Variants in USP12 observed in about 807,000 individuals in gnomAD.
USP12 encodes ubiquitin specific peptidase 12.
In USP12, 19 loss-of-function variants were observed where a neutral mutation model predicts 45.5. The ratio of observed to expected loss-of-function variants is 0.42; its 90% CI spans 0.29 to 0.61. The LOEUF is 0.61. USP12 is among the 20% of genes least tolerant of loss of function. The pLI, the probability that USP12 is intolerant of heterozygous loss-of-function variation, is 0.22. For synonymous variants in USP12, 149 were observed against 148.8 expected, an observed-to-expected ratio of 1.00 and a Z score of -0.01; for missense variants, 242 against 447.7, an observed-to-expected ratio of 0.54 and a Z score of 4.15.
chr13:27,136,363 T>A (rs1283982446), intron 1 of USP12, among the ~76,000 whole-genome samples: 1 of 152,140 alleles, frequency 6.6e-6, no homozygotes. Flanking sequence ...CCGGGCATGG[T>A]GGCGCATGCC....
At chr13:27,128,829 C>G (rs1876360873) in intron 1 of USP12, among the ~76,000 whole-genome samples, 1 of 152,196 alleles carries the variant, frequency 6.6e-6, no homozygotes, top group East Asian at 1.9e-4. Context: ...ATGAACGCTT[C>G]TATTTTTCCC....
At chr13:27,084,896 T>C (rs1873941231) in intron 6 of USP12, among the ~76,000 whole-genome samples, 1 of 152,218 alleles carries the variant, frequency 6.6e-6, no homozygotes, top group African/African-American at 2.4e-5. Flanking sequence ...TGTGGATTTT[T>C]GGATGTTTTT....
intron 3 of USP12, 43 bp from the exon 4 acceptor site, chr13:27,095,873 A>G (rs1030490462): frequency 1.1e-5 from 16 of 1,445,608 alleles, no homozygotes; most frequent in Admixed American, 2.5e-5. Flanking sequence ...TTCAGAATTC[A>G]TAACTTCATA....
intron 4 of USP12, among the ~76,000 whole-genome samples, chr13:27,094,013 T>C (rs1166292188): frequency 1.3e-5 from 2 of 152,158 alleles, no homozygotes; most frequent in Admixed American, 1.3e-4. Context: ...CTTAGCTTTC[T>C]TGCTTGTGGA....
intron 1 of USP12, among the ~76,000 whole-genome samples, chr13:27,123,561 G>A (rs887165287): frequency 3.3e-5 from 5 of 152,160 alleles, no homozygotes; most frequent in African/African-American, 7.2e-5. Context: ...CCCACGTGTC[G>A]TGGCAGAGAC....
intron 3 of USP12, among the ~76,000 whole-genome samples, chr13:27,104,926 C>A (rs9579070): frequency 1.3e-5 from 2 of 152,208 alleles, no homozygotes; most frequent in East Asian, 3.8e-4. Flanking sequence ...TAAACAAAAG[C>A]CAGAATTCTA....
intron 6 of USP12, among the ~76,000 whole-genome samples, chr13:27,086,182 A>AT (rs1359709239): frequency 0.034 from 1,379 of 40,602 alleles, 32 homozygotes; most frequent in Non-Finnish European, 0.049. Context: ...TTTAAAAAAA[A>AT]AAAAAAAAAA....
At chr13:27,143,362 A>C (rs1347445846) in intron 1 of USP12, among the ~76,000 whole-genome samples, 1 of 152,208 alleles carries the variant, frequency 6.6e-6, no homozygotes, top group East Asian at 1.9e-4. Flanking sequence ...TAAAGACTTC[A>C]TTATCTACTT....
intron 1 of USP12, among the ~76,000 whole-genome samples, chr13:27,133,420 T>C (rs1324053182): frequency 6.6e-6 from 1 of 152,034 alleles, no homozygotes; most frequent in Non-Finnish European, 1.5e-5. Flanking sequence ...CTAGTAAACA[T>C]CTACAATACC....
At chr13:27,156,439 G>C (rs537833512) in intron 1 of USP12, among the ~76,000 whole-genome samples, 1 of 152,124 alleles carries the variant, frequency 6.6e-6, no homozygotes, top group Non-Finnish European at 1.5e-5. Context: ...GTGACGAAAC[G>C]CAACGATGAT....
chr13:27,131,265 G>A (rs1184653381), intron 1 of USP12, among the ~76,000 whole-genome samples: 1 of 152,178 alleles, frequency 6.6e-6, no homozygotes, highest in African/African-American at 2.4e-5. Flanking sequence ...AACCCTCCTG[G>A]TGAGAGGGTG....
In USP12 at chr13:27,129,410, A is replaced by G. The variant is rs1334497708; in HGVS notation, c.49-12814T>C. On this transcript the variant is annotated intron_variant, in intron 1 of 8. Transcript: ENST00000282344. This position sits in a 1 kb window ranked among gnomAD's most constrained non-coding sequence, Gnocchi z 4.0. ...AGTAACCACACCATCAACAGCTCATAAAATGACAGTGTCACTCTAAAGCTA... is the reference window on the plus strand; with the variant it reads ...AGTAACCACACCATCAACAGCTCATGAAATGACAGTGTCACTCTAAAGCTA... 6.6e-6 allele frequency among the ~76,000 whole-genome samples: 1 copy of G among 152,238 alleles called. No individual in the cohort carries two copies. Among genetic ancestry groups the G allele is most frequent in the Non-Finnish European group, 1.5e-5 (1 of 68,044 alleles).
At chr13:27,101,694 TCTC>T (rs1222755994) in intron 3 of USP12, among the ~76,000 whole-genome samples, 1 of 152,160 alleles carries the variant, frequency 6.6e-6, no homozygotes, top group Non-Finnish European at 1.5e-5. Flanking sequence ...TAGGTTATGT[TCTC>T]CTCATAATTC....
At chr13:27,138,305 T>A (rs2137817557) in intron 1 of USP12, among the ~76,000 whole-genome samples, 1 of 152,220 alleles carries the variant, frequency 6.6e-6, no homozygotes, top group East Asian at 1.9e-4. Flanking sequence ...GGCTAACAAA[T>A]CCAGTTTCTC....
At chr13:27,132,986 A>G (rs901425752) in intron 1 of USP12, among the ~76,000 whole-genome samples, 2 of 152,212 alleles carry the variant, frequency 1.3e-5, no homozygotes, top group Non-Finnish European at 2.9e-5. Flanking sequence ...TGCTCCTACT[A>G]TGAACTGTTG....
At chr13:27,097,967 G>A (rs1874671277) in intron 3 of USP12, among the ~76,000 whole-genome samples, 1 of 147,258 alleles carries the variant, frequency 6.8e-6, no homozygotes, top group South Asian at 2.2e-4. Flanking sequence ...ATAGCCTGGA[G>A]GTAACTTTAT....
At chr13:27,132,632 G>T (rs957491862) in intron 1 of USP12, among the ~76,000 whole-genome samples, 1 of 152,172 alleles carries the variant, frequency 6.6e-6, no homozygotes, top group Non-Finnish European at 1.5e-5. Flanking sequence ...CTGCATTTGC[G>T]TAGGTCTGGC....
At chr13:27,097,166 TAA>T (rs538221942) in intron 3 of USP12, among the ~76,000 whole-genome samples, 25 of 136,742 alleles carry the variant, frequency 1.8e-4, no homozygotes, top group Admixed American at 2.9e-4. Flanking sequence ...ATAGTAAGTT[TAA>T]AAAAAAAAAA....
chr13:27,086,728 T>C (rs1169298531), intron 6 of USP12, among the ~76,000 whole-genome samples: 3 of 152,128 alleles, frequency 2.0e-5, no homozygotes, highest in African/African-American at 2.4e-5. Context: ...GTCTGAAAGT[T>C]GTATTTCTCT....
Sources: allele counts gnomAD v4.1 joint callset (sites outside exome capture counted in the v4.1 genomes callset), GRCh38; gene constraint gnomAD v4.1.1; non-coding constraint Gnocchi (gnomAD v3.1); transcripts MANE v1.5; gene names NCBI Gene and HGNC (gene_info 2026-07-23, HGNC 2026-07-21).